Variants in PLA1A observed in about 807,000 individuals in gnomAD.
PLA1A encodes the protein phospholipase A1 member A, also known as phosphatidylserine-specific phospholipase A1alpha.
Under a neutral mutation model 49.4 loss-of-function variants are expected in PLA1A, and 47 were observed. The observed-to-expected ratio is 0.95, with a 90% CI of 0.75 to 1.21. PLA1A has a LOEUF of 1.21. Among genes scored for constraint, PLA1A ranks in the 50% most tolerant of loss-of-function variants. The probability of loss-of-function intolerance (pLI) is 0.00; values close to 1 mark genes in which losing one functional copy is unlikely to be tolerated. For missense variants in PLA1A, 561 were observed against 563.9 expected (o/e 0.99, Z 0.05); for synonymous variants, 224 against 207.9 (o/e 1.08, Z -0.67).
intron 6 of PLA1A, among the ~76,000 whole-genome samples, chr3:119,616,386 A>G (rs1577147954): frequency 6.6e-6 from 1 of 152,352 alleles, no homozygotes; most frequent in African/African-American, 2.4e-5. Flanking sequence ...AGAAGGATCA[A>G]TTCACTGCCC....
rs751794605 is a variant in PLA1A at position 119,613,040 on chromosome 3, T to C, written c.586T>C (p.Tyr196His). 36 of 1,603,816 alleles carry C rather than the reference T, an allele frequency of 2.2e-5. No homozygotes were observed. Among genetic ancestry groups the C allele is most frequent in the African/African-American group, 4.0e-5 (3 of 74,764 alleles). The change falls in exon 5 of 11, where the codon TAC becomes CAC. Residue 196 changes from tyrosine (Y) to histidine (H), a missense_variant. Physicochemically the swap from Tyr to His is moderately conservative, Grantham distance 83 (BLOSUM62 2). Transcript: ENST00000273371. ...AGGCCTGGACCCCGCTGGACCTGAG[T>C]ACACCAGGGCCAGTGTGGAAGAGCG... ...ITGLDPAGPE[Y>H]TRASVEERLD... is the part of the protein sequence containing the mutation.
At chr3:119,618,317 TGA>T in intron 7 of PLA1A, 131 bp downstream of exon 7, 1 of 809,238 alleles carries the variant, frequency 1.2e-6, no homozygotes, top group East Asian at 2.5e-5. Context: ...AATTAAGCAA[TGA>T]GGTGCTCAGC....
chr3:119,623,098 G>C (rs1330995659), intron 8 of PLA1A, among the ~76,000 whole-genome samples: 1 of 152,020 alleles, frequency 6.6e-6, no homozygotes, highest in Middle Eastern at 3.4e-3. Context: ...CAAAGTGCTG[G>C]GATTACAGGC....
At chr3:119,606,628 T>A (rs984162055) in intron 1 of PLA1A, 146 bp from the exon 2 acceptor site, 4 of 612,826 alleles carry the variant, frequency 6.5e-6, no homozygotes, top group Non-Finnish European at 1.2e-5. Flanking sequence ...CTGTAATAAA[T>A]GAGTGATTAT....
intron 6 of PLA1A, among the ~76,000 whole-genome samples, chr3:119,616,797 C>T (rs181765992): frequency 5.3e-5 from 8 of 152,346 alleles, no homozygotes; most frequent in Admixed American, 1.3e-4. Context: ...TCGCAATTTG[C>T]GAATTTCTCA....
intron 6 of PLA1A, among the ~76,000 whole-genome samples, chr3:119,616,560 C>T (rs2082850849): frequency 6.6e-6 from 1 of 152,166 alleles, no homozygotes; most frequent in African/African-American, 2.4e-5. Context: ...CTAAATTTGT[C>T]AAAATCTAAG....
Position 119,597,948 on chromosome 3 carries a change from T to TG in PLA1A, c.41dup (p.Leu15ProfsTer23), listed in dbSNP as rs749203497. ...GGTCCCTGGGAGAGCTGCTTCTGGG[T>TG]GGGGGGCCTCATTTTGTGGCTCAGC... On this transcript the variant is annotated frameshift_variant, in exon 1 of 11. Transcript: ENST00000273371. LOFTEE classifies it high-confidence loss of function. The TG allele has an allele frequency of 6.8e-5, 110 of 1,610,858 alleles. No individual in the cohort carries two copies. Among genetic ancestry groups the TG allele is most frequent in the Non-Finnish European group, 8.8e-5 (104 of 1,178,530 alleles).
chr3:119,608,092 AC>A (rs2082712611), intron 2 of PLA1A, among the ~76,000 whole-genome samples: 2 of 152,098 alleles, frequency 1.3e-5, no homozygotes. Flanking sequence ...CACCTAGCAT[AC>A]TGCCTGGCCC....
chr3:119,608,631 T>C (rs914565318), intron 2 of PLA1A, 139 bp from the exon 3 acceptor site: 28 of 687,976 alleles, frequency 4.1e-5, no homozygotes, highest in Admixed American at 7.8e-5. Context: ...ATGCTCCAAG[T>C]ACTGTGTAAT....
chr3:119,598,557 T>G (rs536275829), intron 1 of PLA1A: 2 of 152,380 alleles, frequency 1.3e-5, no homozygotes, highest in African/African-American at 4.8e-5. Context: ...TGATCCCTCT[T>G]GCCTAACAGA....
At chr3:119,624,424 G>T (rs1045157815) in intron 8 of PLA1A, among the ~76,000 whole-genome samples, 1 of 152,128 alleles carries the variant, frequency 6.6e-6, no homozygotes, top group African/African-American at 2.4e-5. Flanking sequence ...TGAACTCGGA[G>T]GGGACACAAA....
At chr3:119,603,436 C>T (rs999868933) in intron 1 of PLA1A, among the ~76,000 whole-genome samples, 1 of 152,234 alleles carries the variant, frequency 6.6e-6, no homozygotes, top group African/African-American at 2.4e-5. Context: ...ATTGTAATGA[C>T]TAAGTTGCTA....
intron 4 of PLA1A, among the ~76,000 whole-genome samples, chr3:119,611,838 T>G (rs532763764): frequency 1.4e-4 from 22 of 152,204 alleles, no homozygotes; most frequent in Non-Finnish European, 2.9e-4. Flanking sequence ...TAGATGCCTT[T>G]TATTTCTTTC....
Position 119,618,082 on chromosome 3 carries a change from A to G in PLA1A, c.818A>G (p.Asn273Ser). 6.2e-7 allele frequency: 1 copy of G among 1,613,776 alleles called. No homozygotes were observed. The highest frequency in any genetic ancestry group is 8.5e-7 in the Non-Finnish European group (1 of 1,179,656). The change falls in exon 7 of 11, where the codon AAT (asparagine) becomes AGT (serine). Residue 273 changes from asparagine (N) to serine (S), a missense_variant. Asn to Ser is a conservative substitution (Grantham distance 46). Coordinates refer to ENST00000273371, the MANE Select transcript of PLA1A (RefSeq NM_015900.4). ...CACCTCTACATCAGCGCCCTGGAGA[A>G]TTCCTGTCCACTGATGGCCTTTCCC... ...AVHLYISALE[N>S]SCPLMAFPCA...
At chr3:119,601,705 G>T (rs762551928) in intron 1 of PLA1A, among the ~76,000 whole-genome samples, 6 of 152,142 alleles carry the variant, frequency 3.9e-5, no homozygotes, top group Non-Finnish European at 8.8e-5. Context: ...TGTTTCAGTG[G>T]TTAGGACTAG....
rs1012225345 is a variant in PLA1A, at chr3:119,606,949, A to C, written c.249A>C (p.Gly83=). ...LQNSGFNATL[G]TKLIIHGFRV... is the part of the protein sequence containing the mutation. ...ACTCTGGGTTCAATGCCACTCTGGG[A>C]ACCAAACTAATTATCCATGGATTCA... The change falls in exon 2 of 11, where the codon GGA becomes GGC. Residue 83 remains glycine, a synonymous_variant. Transcript: ENST00000273371. 2 of 1,613,934 alleles carry C rather than the reference A, an allele frequency of 1.2e-6. No individual in the cohort carries two copies. Among genetic ancestry groups the C allele is most frequent in the Admixed American group, 3.3e-5 (2 of 60,004 alleles).
At chr3:119,625,675 A>T (rs905477015) in intron 9 of PLA1A, among the ~76,000 whole-genome samples, 18 of 152,190 alleles carry the variant, frequency 1.2e-4, no homozygotes, top group Admixed American at 9.8e-4. Context: ...CCAGAATGGA[A>T]TCTGAGGCAC....
At chr3:119,608,216 A>AG (rs1560078729) in intron 2 of PLA1A, among the ~76,000 whole-genome samples, 205 of 143,818 alleles carry the variant, frequency 1.4e-3, no homozygotes, top group African/African-American at 5.1e-3. Context: ...GAAAGAAAGA[A>AG]AGAAAGAAAG....
intron 1 of PLA1A, among the ~76,000 whole-genome samples, chr3:119,601,293 G>A (rs1382287660): frequency 6.6e-6 from 1 of 152,216 alleles, no homozygotes; most frequent in Non-Finnish European, 1.5e-5. Flanking sequence ...AGCATTTGCA[G>A]ATCACAGAGG....
Sources: gnomAD v4.1 joint callset for allele counts (sites outside exome capture counted in the v4.1 genomes callset) on GRCh38, gnomAD v4.1.1 for gene constraint, MANE v1.5 for transcripts, NCBI Gene and HGNC (gene_info 2026-07-23, HGNC 2026-07-21) for gene names.